Variants in THRB observed in about 807,000 individuals in gnomAD.
THRB encodes nuclear receptor subfamily 1 group A member 2.
Under a neutral mutation model 47.8 loss-of-function variants are expected in THRB, and 12 were observed. That is an observed-to-expected ratio of 0.25 (90% CI 0.16 to 0.41). The LOEUF (loss-of-function observed/expected upper bound fraction) is 0.41, where lower values mean the gene tolerates loss of function less well. THRB is among the 10% of genes least tolerant of loss of function. THRB has a pLI of 1.00. For synonymous variants in THRB, 218 were observed against 212.2 expected (o/e 1.03, Z -0.24); for missense variants, 348 against 589.2 (o/e 0.59, Z 4.24).
intron 4 of THRB, among the ~76,000 whole-genome samples, chr3:24,216,897 A>G (rs950757160): frequency 1.3e-5 from 2 of 152,000 alleles, no homozygotes; most frequent in African/African-American, 4.8e-5. Context: ...GGGCTATTTT[A>G]TATTCATTTA....
intron 5 of THRB, among the ~76,000 whole-genome samples, chr3:24,187,259 G>T (rs1391763651): frequency 6.6e-6 from 1 of 152,142 alleles, no homozygotes; most frequent in East Asian, 1.9e-4. Context: ...TGCTATAAAA[G>T]TTCCTAAAGC....
intron 1 of THRB, among the ~76,000 whole-genome samples, chr3:24,488,148 C>T (rs955494733): frequency 6.6e-6 from 1 of 152,194 alleles, no homozygotes; most frequent in Admixed American, 6.5e-5. Flanking sequence ...AGAAGATATG[C>T]CTGCTTTCAG....
chr3:24,143,667 A>G lies in THRB; in HGVS notation c.572T>C (p.Leu191Pro). The stretch of plus-strand genomic sequence containing the variant: ...TCTTTTCTCCCGGTTCTCCTCTATC[A>G]GCTTCCTCTTGGCCAGCCTCTTGCT... Reference protein sequence around the residue: ...DDSKRLAKRKLIEENREKRRR... With the variant: ...DDSKRLAKRKPIEENREKRRR... The change falls in exon 8 of 11, where the codon CTG becomes CCG. Residue 191 changes from leucine (L) to proline (P), a missense_variant. By Grantham distance (98) the Leu-to-Pro change is moderately conservative. Transcript: ENST00000646209. 1 of 1,614,058 alleles carries G rather than the reference A, an allele frequency of 6.2e-7. No homozygotes were observed. The highest frequency in any genetic ancestry group is 1.1e-5 in the South Asian group (1 of 91,074).
intron 1 of THRB, among the ~76,000 whole-genome samples, chr3:24,472,930 A>G (rs1025187373): frequency 5.3e-5 from 8 of 152,104 alleles, no homozygotes; most frequent in Non-Finnish European, 8.8e-5. Context: ...ATATTTACAA[A>G]TTTATACATT....
At chr3:24,308,413 G>A (rs2057513887) in intron 2 of THRB, among the ~76,000 whole-genome samples, 1 of 152,164 alleles carries the variant, frequency 6.6e-6, no homozygotes, top group Non-Finnish European at 1.5e-5. Flanking sequence ...AGCCTTGTTT[G>A]AGGTCCTACT....
intron 2 of THRB, among the ~76,000 whole-genome samples, chr3:24,329,365 C>T (rs1206688167): frequency 6.6e-6 from 1 of 152,214 alleles, no homozygotes; most frequent in African/African-American, 2.4e-5. Flanking sequence ...GACAACTTCT[C>T]TTCACCTGTG....
chr3:24,270,086 A>G (rs1439691084), intron 3 of THRB, among the ~76,000 whole-genome samples: 1 of 152,200 alleles, frequency 6.6e-6, no homozygotes, highest in African/African-American at 2.4e-5. Flanking sequence ...TCAGAATTTT[A>G]TATTTTGAAA....
chr3:24,480,503 G>A (rs1696200409), intron 1 of THRB, among the ~76,000 whole-genome samples: 1 of 152,146 alleles, frequency 6.6e-6, no homozygotes, highest in Admixed American at 6.5e-5. Flanking sequence ...TGACTCTGGA[G>A]CACAAACATA....
At chr3:24,462,071 G>A (rs943512525) in intron 1 of THRB, among the ~76,000 whole-genome samples, 3 of 152,070 alleles carry the variant, frequency 2.0e-5, no homozygotes, top group African/African-American at 7.2e-5. Context: ...ACATTTCAAC[G>A]GTGGGTGACA....
At chr3:24,435,722 A>G (rs1030066040) in intron 1 of THRB, among the ~76,000 whole-genome samples, 1 of 152,198 alleles carries the variant, frequency 6.6e-6, no homozygotes, top group African/African-American at 2.4e-5. Context: ...ATCAGTCCCC[A>G]AAGTATTGAA....
At chr3:24,454,289 T>C (rs148781418) in intron 1 of THRB, among the ~76,000 whole-genome samples, 4 of 152,292 alleles carry the variant, frequency 2.6e-5, no homozygotes, top group Non-Finnish European at 5.9e-5. Context: ...TCCATATACA[T>C]GAGATGTCCA....
chr3:24,227,796 C>T (rs1160727389), intron 4 of THRB, among the ~76,000 whole-genome samples: 1 of 152,064 alleles, frequency 6.6e-6, no homozygotes, highest in Non-Finnish European at 1.5e-5. Context: ...AAAGGTCAGG[C>T]TGCATCCTCG....
At chr3:24,169,803 C>T (rs2040191479) in intron 5 of THRB, among the ~76,000 whole-genome samples, 1 of 149,690 alleles carries the variant, frequency 6.7e-6, no homozygotes, top group Non-Finnish European at 1.5e-5. Context: ...GACCCACCAC[C>T]TGTTTCGTAA....
intron 2 of THRB, among the ~76,000 whole-genome samples, chr3:24,316,580 C>G (rs747809681): frequency 4.6e-5 from 7 of 152,128 alleles, no homozygotes; most frequent in Non-Finnish European, 8.8e-5. Context: ...ACAACCTACA[C>G]TGCAAATTTT....
In THRB at chr3:24,431,997, A is replaced by C. The variant is rs115487770; in HGVS notation, c.-261+62655T>G. 7.2e-3 allele frequency among the ~76,000 whole-genome samples: 1,090 copies of C among 152,210 alleles called. 3 individuals carry two copies. The highest frequency in any genetic ancestry group is 0.011 in the Non-Finnish European group (759 of 67,982). The stretch of plus-strand genomic sequence containing the variant: ...CACATATGTAGTACAGCTAAAACTC[A>C]TCCAAATGATAAACAGAAAATTGAT... On this transcript the variant is annotated intron_variant, in intron 1 of 10. Transcript: ENST00000646209.
intron 1 of THRB, among the ~76,000 whole-genome samples, chr3:24,436,388 C>G (rs2125340766): frequency 6.6e-6 from 1 of 152,202 alleles, no homozygotes; most frequent in Admixed American, 6.5e-5. Context: ...CAGCAGTAAA[C>G]AAGACACGCC....
At chr3:24,388,201 A>G (rs2066285038) in intron 1 of THRB, among the ~76,000 whole-genome samples, 1 of 152,104 alleles carries the variant, frequency 6.6e-6, no homozygotes, top group Admixed American at 6.6e-5. Context: ...CAAGGTATAA[A>G]GGCCCAGCCC....
intron 1 of THRB, among the ~76,000 whole-genome samples, chr3:24,355,724 C>T (rs2063631973): frequency 6.6e-6 from 1 of 152,166 alleles, no homozygotes. Context: ...AGGCTCAGTG[C>T]ATTCACCTGA....
intron 1 of THRB, among the ~76,000 whole-genome samples, chr3:24,480,190 G>A (rs1165477315): frequency 6.6e-6 from 1 of 152,156 alleles, no homozygotes; most frequent in African/African-American, 2.4e-5. Flanking sequence ...TCATCTCAGA[G>A]TTTGCTTCTG....
Sources: allele counts gnomAD v4.1 joint callset (sites outside exome capture counted in the v4.1 genomes callset), GRCh38; gene constraint gnomAD v4.1.1; transcripts MANE v1.5; gene names NCBI Gene and HGNC (gene_info 2026-07-23, HGNC 2026-07-21).